FRMD3: variants seen among roughly 807,000 people sequenced by gnomAD.
The protein encoded by FRMD3 is FERM domain-containing protein 3.
FRMD3 carries 33 observed loss-of-function variants against 70.2 expected under a neutral mutation model. That is an observed-to-expected ratio of 0.47 (90% confidence interval 0.36 to 0.63). The LOEUF is 0.63. FRMD3 is among the 20% of genes least tolerant of loss of function. The probability of loss-of-function intolerance (pLI) is 0.00; values close to 1 mark genes in which losing one functional copy is unlikely to be tolerated. For missense variants in FRMD3, 632 were observed against 711.4 expected (o/e 0.89, Z 1.27); for synonymous variants, 279 against 255.9 (o/e 1.09, Z -0.86).
the FRMD3 span, among the ~76,000 whole-genome samples, chr9:83,545,356 G>GTTTTTTTTTTTT: frequency 1.7e-4 from 20 of 117,606 alleles, no homozygotes; most frequent in East Asian, 2.6e-4. Context: ...GTTTTTTTTT[G>GTTTTTTTTTTTT]TTTTTTTTTT....
intron 1 of FRMD3, among the ~76,000 whole-genome samples, chr9:83,441,707 C>T (rs976948148): frequency 3.9e-5 from 6 of 152,212 alleles, no homozygotes; most frequent in African/African-American, 1.4e-4. Flanking sequence ...GCATGAAATT[C>T]ATTGCCATTT....
At chr9:83,569,746 A>G in the FRMD3 span, among the ~76,000 whole-genome samples, 1 of 152,200 alleles carries the variant, frequency 6.6e-6, no homozygotes, top group Non-Finnish European at 1.5e-5. Flanking sequence ...AACGGCTACA[A>G]TTTTAATATG....
At chr9:83,309,880 C>T (rs2131046656) in intron 9 of FRMD3, among the ~76,000 whole-genome samples, 1 of 152,258 alleles carries the variant, frequency 6.6e-6, no homozygotes, top group Non-Finnish European at 1.5e-5. Flanking sequence ...TCTCAACACT[C>T]CAGGCATCAT....
At chr9:83,482,127 A>C (rs2131480087) in intron 1 of FRMD3, among the ~76,000 whole-genome samples, 1 of 152,330 alleles carries the variant, frequency 6.6e-6, no homozygotes, top group South Asian at 2.1e-4. Context: ...CTTGGTCCTC[A>C]GCCATCACCA....
intron 2 of FRMD3, 91 bp from the exon 3 acceptor site, chr9:83,373,046 C>T (rs1211043221): frequency 1.3e-5 from 14 of 1,060,862 alleles, no homozygotes; most frequent in Non-Finnish European, 2.0e-5. Flanking sequence ...TTCCAAAGTA[C>T]AGCCTCGGTT....
chr9:83,338,783 G>A (rs767913868), intron 5 of FRMD3, among the ~76,000 whole-genome samples: 11 of 152,150 alleles, frequency 7.2e-5, no homozygotes, highest in South Asian at 4.1e-4. Flanking sequence ...TGGAAAAAGG[G>A]AAATCAATCA....
chr9:83,500,096 G>T (rs1471473218), intron 1 of FRMD3, among the ~76,000 whole-genome samples: 1 of 152,014 alleles, frequency 6.6e-6, no homozygotes, highest in Non-Finnish European at 1.5e-5. Flanking sequence ...AAGAACGGAG[G>T]GATGAATAGG....
At chr9:83,468,627 T>C (rs1215242794) in intron 1 of FRMD3, among the ~76,000 whole-genome samples, 1 of 152,238 alleles carries the variant, frequency 6.6e-6, no homozygotes, top group East Asian at 1.9e-4. Flanking sequence ...TCACTGGCTA[T>C]GTAAATCCCT....
At position 83,439,930 on chromosome 9, in the gene FRMD3, A is replaced by G. The variant is rs140461416; in HGVS notation, c.148-50222T>C. Among the ~76,000 whole-genome samples the G allele has an allele frequency of 3.9e-5, 6 of 152,318 alleles. No homozygotes were observed. The East Asian group carries it at 1.2e-3, about 29-fold the overall frequency. On this transcript the variant is annotated intron_variant, in intron 1 of 13. Transcript: ENST00000304195. ...TATAATACTAATCTATATTAAATAT[A>G]TTTCATTATATTCAGGAATTTTTCA...
chr9:83,418,368 A>T (rs930706496), intron 1 of FRMD3, among the ~76,000 whole-genome samples: 1 of 152,186 alleles, frequency 6.6e-6, no homozygotes, highest in African/African-American at 2.4e-5. Context: ...AAAATTGCAA[A>T]CTATGTATCC....
At chr9:83,382,395 G>A (rs1825384447) in intron 2 of FRMD3, among the ~76,000 whole-genome samples, 1 of 152,154 alleles carries the variant, frequency 6.6e-6, no homozygotes. Flanking sequence ...AAAAAGACCA[G>A]TTACATAAAT....
chr9:83,584,131 C>T, the FRMD3 span, among the ~76,000 whole-genome samples: 1 of 151,912 alleles, frequency 6.6e-6, no homozygotes, highest in Non-Finnish European at 1.5e-5. Flanking sequence ...GTCAAGAGAT[C>T]GAGACCATCT....
intron 1 of FRMD3, among the ~76,000 whole-genome samples, chr9:83,502,799 C>T: frequency 6.6e-6 from 1 of 152,176 alleles, no homozygotes; most frequent in South Asian, 2.1e-4. Flanking sequence ...AAAAGGCCAT[C>T]ATTTCCTTTG....
chr9:83,555,495 AC>A, the FRMD3 span, among the ~76,000 whole-genome samples: 1 of 152,200 alleles, frequency 6.6e-6, no homozygotes, highest in Admixed American at 6.5e-5. Context: ...TGGCTAAGGT[AC>A]CCAAACAGCA....
At chr9:83,573,369 A>C in the FRMD3 span, among the ~76,000 whole-genome samples, 2 of 152,246 alleles carry the variant, frequency 1.3e-5, no homozygotes, top group African/African-American at 4.8e-5. Context: ...AAATCATTAT[A>C]CTAAAAATTT....
intron 1 of FRMD3, among the ~76,000 whole-genome samples, chr9:83,524,420 CA>C (rs1829643474): frequency 6.6e-6 from 1 of 152,124 alleles, no homozygotes; most frequent in South Asian, 2.1e-4. Context: ...TACATTCAGC[CA>C]CAGGTTACAA....
rs183489436 is a variant in FRMD3, at chr9:83,491,194, A to G, written c.147+46891T>C. On this transcript the variant is annotated intron_variant, in intron 1 of 13. Transcript: ENST00000304195. ...ACTCTGCCTCCTCTTAGCTACCTCAACTACGACATTTGAGTATCAGAACTT... is the reference window on the plus strand; with the variant it reads ...ACTCTGCCTCCTCTTAGCTACCTCAGCTACGACATTTGAGTATCAGAACTT... Among the ~76,000 whole-genome samples the G allele has an allele frequency of 1.5e-3, 227 of 152,280 alleles. 2 individuals are homozygous for G. Among genetic ancestry groups the G allele is most frequent in the African/African-American group, 5.2e-3 (218 of 41,550 alleles).
At chr9:83,554,295 G>C in the FRMD3 span, among the ~76,000 whole-genome samples, 1 of 152,194 alleles carries the variant, frequency 6.6e-6, no homozygotes, top group African/African-American at 2.4e-5. Context: ...TCCACCTTCA[G>C]TGCTGGCTGT....
At chr9:83,516,427 C>A (rs1240290018) in intron 1 of FRMD3, among the ~76,000 whole-genome samples, 1 of 152,090 alleles carries the variant, frequency 6.6e-6, no homozygotes, top group African/African-American at 2.4e-5. Context: ...GTTAACTATG[C>A]TAAATATATA....
Sources: allele counts gnomAD v4.1 joint callset (sites outside exome capture counted in the v4.1 genomes callset), GRCh38; gene constraint gnomAD v4.1.1; transcripts MANE v1.5; gene names NCBI Gene and HGNC (gene_info 2026-07-23, HGNC 2026-07-21).